The following RBM23 variants were observed in gnomAD, a reference collection of about 807,000 sequenced individuals.
RBM23 encodes the protein RNA binding motif protein 23.
Under a neutral mutation model 56.2 loss-of-function variants are expected in RBM23, and 53 were observed. The ratio of observed to expected loss-of-function variants is 0.94; its 90% CI spans 0.76 to 1.19. RBM23 has a LOEUF of 1.19. Ranked by LOEUF, RBM23 falls within the 50% of genes most tolerant of loss-of-function variation. RBM23 has a pLI of 0.00. For synonymous variants in RBM23, 197 were observed against 198.5 expected (o/e 0.99, Z 0.06); for missense variants, 642 against 590.3 (o/e 1.09, Z -0.91).
intron 7 of RBM23, 26 bp downstream of exon 7, chr14:22,905,310 G>C (rs371922671): frequency 2.8e-5 from 45 of 1,613,884 alleles, no homozygotes; most frequent in Admixed American, 2.5e-4. Flanking sequence ...AAGCTACTCA[G>C]AAGAAAACTA....
In RBM23 at chr14:22,893,375, A is replaced by C. The variant is rs996216553; in HGVS notation, c.*8355T>G. ...ATCAGTGTGCCGGGCCCAATGGGGAAAACAAATACAAATAAGACACAATTT... is the reference window on the plus strand; with the variant it reads ...ATCAGTGTGCCGGGCCCAATGGGGACAACAAATACAAATAAGACACAATTT... On this transcript the variant is annotated 3_prime_UTR_variant, in exon 14 of 14. Coordinates refer to ENST00000359890, the MANE Select transcript of RBM23 (RefSeq NM_001077351.2). The C allele has an allele frequency of 3.9e-5, 6 of 152,236 alleles. No individual in the cohort carries two copies. The highest frequency in any genetic ancestry group is 1.4e-4 in the African/African-American group (6 of 41,458). The allele number at this position is 152,236 out of a possible 1,614,324, so 9.4% of individuals were successfully genotyped here.
At chr14:22,904,103 C>T (rs114976645) in intron 10 of RBM23, 158 bp downstream of exon 10, 1 of 1,537,626 alleles carries the variant, frequency 6.5e-7, no homozygotes, top group African/African-American at 1.4e-5. Flanking sequence ...AAGCAATGCA[C>T]TCATCTCAAG....
rs2042151636 is a variant in RBM23, at chr14:22,909,790, A to G, written c.67-195T>C. 2.0e-5 allele frequency among the ~76,000 whole-genome samples: 3 copies of G among 152,176 alleles called. No individual in the cohort carries two copies. The South Asian group carries it at 6.2e-4, about 32-fold the overall frequency. On this transcript the variant is annotated intron_variant, in intron 2 of 13. Transcript: ENST00000359890. ...AACTACCTAAAAGGAAGAGATCAGC[A>G]TGACAGATTTTGATGTCAAACTTCA... is the stretch of plus-strand genomic sequence containing the variant.
intron 9 of RBM23, 132 bp from the exon 10 acceptor site, chr14:22,904,458 A>C: frequency 1.3e-6 from 1 of 754,324 alleles, no homozygotes; most frequent in South Asian, 1.7e-5. Context: ...CCTGGGTGAC[A>C]GAGTGAGACC....
chr14:22,904,962 A>G lies in RBM23; in HGVS notation c.777T>C (p.Asn259=), dbSNP rs1180617214. The change falls in exon 9 of 14, where the codon AAT becomes AAC. Residue 259 remains asparagine (N), a synonymous_variant. Coordinates refer to ENST00000359890, the MANE Select transcript of RBM23 (RefSeq NM_001077351.2). ...CCACATAGAGGCGCATTGGTCCACCATTGCCCTTTTGCAGGTTGTTGGCCA... is the reference window on the plus strand; with the variant it reads ...CCACATAGAGGCGCATTGGTCCACCGTTGCCCTTTTGCAGGTTGTTGGCCA... ...AAMANNLQKG[N]GGPMRLYVGS... is the part of the protein sequence containing the mutation. 3.7e-6 allele frequency: 6 copies of G among 1,613,970 alleles called. No homozygotes were observed. The highest frequency in any genetic ancestry group is 4.2e-6 in the Non-Finnish European group (5 of 1,180,022).
chr14:22,910,123 GC>G (rs1234439476), intron 2 of RBM23, among the ~76,000 whole-genome samples: 1 of 117,022 alleles, frequency 8.5e-6, no homozygotes, highest in East Asian at 2.8e-4. Context: ...CTGCACTCCA[GC>G]CTGGGCAGCC....
rs1336978394 is a variant in RBM23 at position 22,901,695 on chromosome 14, A to G, written c.*35T>C. ...GAGTAGATGTGAAGTGGCAGGATCC[A>G]GAGGCACAAGGAGGCAGTATACTGT... On this transcript the variant is annotated 3_prime_UTR_variant, in exon 14 of 14. Transcript: ENST00000359890. The G allele has an allele frequency of 6.2e-7, 1 of 1,609,264 alleles. No homozygotes were observed. The highest frequency in any genetic ancestry group is 8.5e-7 in the Non-Finnish European group (1 of 1,175,538).
chr14:22,910,847 C>T (rs2042388138), intron 2 of RBM23, among the ~76,000 whole-genome samples: 1 of 152,200 alleles, frequency 6.6e-6, no homozygotes, highest in South Asian at 2.1e-4. Context: ...CCCGTCTCTA[C>T]TAAAAATACA....
At chr14:22,904,804 A>T in intron 9 of RBM23, 71 bp downstream of exon 9, 1 of 1,596,292 alleles carries the variant, frequency 6.3e-7, no homozygotes. Context: ...CACAACAGAG[A>T]AGTACACTCA....
chr14:22,909,654 A>T (rs552009259), intron 2 of RBM23, 59 bp from the exon 3 acceptor site: 37 of 1,314,058 alleles, frequency 2.8e-5, no homozygotes, highest in Admixed American at 5.1e-5. Flanking sequence ...ACAGATTCCA[A>T]TGGGCAAAGG....
chr14:22,914,386 G>A (rs1012123389), intron 1 of RBM23, among the ~76,000 whole-genome samples: 18 of 150,860 alleles, frequency 1.2e-4, no homozygotes, highest in Non-Finnish European at 1.3e-4. Flanking sequence ...CAGCTACTCA[G>A]GAGGCTGAAG....
chr14:22,904,204 TCAGA>T, intron 10 of RBM23, 53 bp downstream of exon 10: 1 of 1,613,290 alleles, frequency 6.2e-7, no homozygotes, highest in Non-Finnish European at 8.5e-7. Context: ...AGCTGCAAAA[TCAGA>T]CAAGTGGACA....
intron 10 of RBM23, chr14:22,903,724 G>A: frequency 9.9e-7 from 1 of 1,012,982 alleles, no homozygotes; most frequent in Non-Finnish European, 1.2e-6. Context: ...ACCAGTTATA[G>A]GAATTGGCAA....
intron 10 of RBM23, chr14:22,903,274 C>G (rs1237180529): frequency 1.0e-6 from 1 of 985,344 alleles, no homozygotes; most frequent in Non-Finnish European, 1.2e-6. Context: ...CACACTGGTA[C>G]AAAGAGGATT....
intron 4 of RBM23, among the ~76,000 whole-genome samples, chr14:22,906,860 G>A (rs530255048): frequency 1.3e-5 from 2 of 152,134 alleles, no homozygotes; most frequent in African/African-American, 4.8e-5. Context: ...CCAACATGGA[G>A]AAACTCCGTC....
rs2040307744 is a variant in RBM23, at chr14:22,899,510, A to G, written c.*2220T>C. The stretch of plus-strand genomic sequence containing the variant: ...ATTCTCCTGTCTCAGCCTCCTGAGT[A>G]GCTGGGATTACAGGCACCCACCACC... On this transcript the variant is annotated 3_prime_UTR_variant, in exon 14 of 14. Transcript: ENST00000359890. 6.6e-6 allele frequency: 1 copy of G among 152,242 alleles called. No homozygotes were observed. Among genetic ancestry groups the G allele is most frequent in the Admixed American group, 6.5e-5 (1 of 15,270 alleles). 9.4% of individuals were successfully genotyped at this position (152,242 alleles called of 1,614,324 possible).
At chr14:22,913,665 T>C (rs1345171827) in intron 1 of RBM23, 4 of 151,384 alleles carry the variant, frequency 2.6e-5, no homozygotes, top group Non-Finnish European at 5.9e-5. Context: ...CTGGCCAATA[T>C]GGTGAAACCT....
In RBM23 at chr14:22,915,739, G is replaced by C. The variant is rs867357077; in HGVS notation, c.-11+3260C>G. On this transcript the variant is annotated intron_variant, in intron 1 of 13. Coordinates refer to ENST00000359890, the MANE Select transcript of RBM23 (RefSeq NM_001077351.2). ...TCAAACTCCTGACCTCAGGTAATCC[G>C]CCTGCCTCGGCCTCCCAGTGCTGGG... 2.0e-5 allele frequency among the ~76,000 whole-genome samples: 3 copies of C among 151,984 alleles called. No individual in the cohort carries two copies. The South Asian group carries it at 6.2e-4, about 32-fold the overall frequency.
intron 1 of RBM23, among the ~76,000 whole-genome samples, chr14:22,913,059 G>A (rs2042849669): frequency 8.0e-6 from 1 of 124,558 alleles, no homozygotes; most frequent in Non-Finnish European, 1.7e-5. Flanking sequence ...AAAGCAGAAA[G>A]CACATCAATG....
Sources: allele counts gnomAD v4.1 joint callset (sites outside exome capture counted in the v4.1 genomes callset), GRCh38; gene constraint gnomAD v4.1.1; transcripts MANE v1.5; gene names NCBI Gene and HGNC (gene_info 2026-07-23, HGNC 2026-07-21).